The following GSTM2 variants were observed in gnomAD, a reference collection of about 807,000 sequenced individuals.
GSTM2 encodes glutathione S-transferase mu 2, also known as GST class-mu 2.
Under a neutral mutation model 33.3 loss-of-function variants are expected in GSTM2, and 33 were observed. That is an observed-to-expected ratio of 0.99 (90% CI 0.75 to 1.33). GSTM2 has a LOEUF of 1.33. Ranked by LOEUF, GSTM2 falls within the 40% of genes most tolerant of loss-of-function variation. The pLI is 0.00. For synonymous variants in GSTM2, 93 were observed against 95.6 expected (o/e 0.97, Z 0.16); for missense variants, 213 against 265.8 (o/e 0.80, Z 1.38).
chr1:109,668,656 A>G, intron 2 of GSTM2, 156 bp downstream of exon 2: 1 of 932,098 alleles, frequency 1.1e-6, no homozygotes, highest in Non-Finnish European at 1.7e-6. Flanking sequence ...CTTGCAAGGC[A>G]GAATGCTGGG....
rs403294 is a variant in GSTM2 at position 109,668,932 on chromosome 1, T to C, written c.120T>C (p.Asp40=). 49 of 1,612,152 alleles carry C rather than the reference T, an allele frequency of 3.0e-5. No individual in the cohort carries two copies. The highest frequency in any genetic ancestry group is 5.0e-5 in the Admixed American group (3 of 59,988). ...EKKYTMGDAP[D]YDRSQWLNEK... ...TCATCTTCCCCACCACAGCTCCTGATTATGACAGAAGCCAGTGGCTGAATG... is the reference window on the plus strand; with the variant it reads ...TCATCTTCCCCACCACAGCTCCTGACTATGACAGAAGCCAGTGGCTGAATG... The change falls in exon 3 of 8, where the codon GAT becomes GAC. Residue 40 remains aspartate, a synonymous_variant. Coordinates refer to ENST00000241337, the MANE Select transcript of GSTM2 (RefSeq NM_000848.4).
At chr1:109,669,111 C>T (rs1460443781) in intron 3 of GSTM2, 122 bp downstream of exon 3, 26 of 1,286,346 alleles carry the variant, frequency 2.0e-5, no homozygotes, top group Admixed American at 1.0e-4. Context: ...TCACTCTTGG[C>T]TGTCTACACA....
chr1:109,678,336 C>T (rs917491041), downstream of GSTM2, among the ~76,000 whole-genome samples: 8 of 152,048 alleles, frequency 5.3e-5, no homozygotes, highest in African/African-American at 4.8e-5. Context: ...GAGGTTTTGC[C>T]ATGATGGCCA....
At chr1:109,673,196 G>A (rs1398847502) in intron 7 of GSTM2, 1 of 1,611,508 alleles carries the variant, frequency 6.2e-7, no homozygotes, top group Non-Finnish European at 8.5e-7. Flanking sequence ...TCCCTCCAAT[G>A]TTCCAGGTGT....
rs762549664 is a variant in GSTM2 at position 109,674,861 on chromosome 1, G to A, written c.*25G>A. 44 of 1,613,606 alleles carry A rather than the reference G, an allele frequency of 2.7e-5. No individual in the cohort carries two copies. The Middle Eastern group carries it at 4.9e-4, about 18-fold the overall frequency. On this transcript the variant is annotated 3_prime_UTR_variant, in exon 8 of 8. Transcript: ENST00000241337. ...GGGCCTTGAAGGCCAGGAGGTGGGA[G>A]TGAGGAGCCCATACTCAGCCTGCTG...
chr1:109,677,006 T>C (rs892466440), downstream of GSTM2, among the ~76,000 whole-genome samples: 2 of 152,024 alleles, frequency 1.3e-5, no homozygotes, highest in African/African-American at 4.8e-5. Flanking sequence ...TATCCGAAAA[T>C]ACAACTCATT....
intron 7 of GSTM2, 90 bp downstream of exon 7, chr1:109,671,673 A>G (rs986059033): frequency 2.3e-6 from 2 of 881,394 alleles, no homozygotes; most frequent in Non-Finnish European, 3.9e-6. Flanking sequence ...CACAAAGAAT[A>G]ACTCACATTT....
intron 2 of GSTM2, 145 bp from the exon 3 acceptor site, chr1:109,668,780 T>C: frequency 9.6e-7 from 1 of 1,038,950 alleles, no homozygotes; most frequent in South Asian, 1.4e-5. Flanking sequence ...ATTCTTTTTC[T>C]CTGAATCCTG....
downstream of GSTM2, among the ~76,000 whole-genome samples, chr1:109,677,014 AT>A: frequency 1.3e-5 from 2 of 152,350 alleles, no homozygotes; most frequent in East Asian, 3.9e-4. Flanking sequence ...AATACAACTC[AT>A]TAAAAAATGA....
At chr1:109,679,152 A>ATT (rs931161230), downstream of GSTM2, among the ~76,000 whole-genome samples, 4 of 147,402 alleles carry the variant, frequency 2.7e-5, no homozygotes, top group African/African-American at 9.9e-5. Context: ...TCATCTTATG[A>ATT]TTTTTTTTTT....
chr1:109,673,354 C>T (rs572993809), intron 7 of GSTM2: 27 of 1,413,140 alleles, frequency 1.9e-5, no homozygotes, highest in Non-Finnish European at 2.5e-5. Context: ...GCAGGCAGAG[C>T]AGCCTGTGAA....
chr1:109,671,461 G>A lies in GSTM2; in HGVS notation c.457-12G>A. 6.3e-7 allele frequency: 1 copy of A among 1,593,798 alleles called. No individual in the cohort carries two copies. The highest frequency in any genetic ancestry group is 1.1e-5 in the South Asian group (1 of 90,644). Reference sequence around the variant, plus strand: ...TGGAGGTTTCAGCCCACATATCCTTGGCCTTATCCAGATCACCTTTGTGGA... The same window carrying A: ...TGGAGGTTTCAGCCCACATATCCTTAGCCTTATCCAGATCACCTTTGTGGA... On this transcript the variant is annotated splice_polypyrimidine_tract_variant and intron_variant, in intron 6 of 7. Coordinates refer to ENST00000241337, the MANE Select transcript of GSTM2 (RefSeq NM_000848.4).
intron 7 of GSTM2, among the ~76,000 whole-genome samples, chr1:109,681,603 G>A (rs1208602397): frequency 4.1e-5 from 6 of 145,790 alleles, no homozygotes; most frequent in East Asian, 2.0e-4. Flanking sequence ...TTGATCTAGC[G>A]TCAGAGTTTG....
downstream of GSTM2, among the ~76,000 whole-genome samples, chr1:109,679,566 C>G (rs1647805756): frequency 6.6e-6 from 1 of 152,212 alleles, no homozygotes; most frequent in Non-Finnish European, 1.5e-5. Context: ...GAATCACAGT[C>G]TATGAATCTA....
chr1:109,671,404 G>T, intron 6 of GSTM2, 22 bp downstream of exon 6: 1 of 1,584,212 alleles, frequency 6.3e-7, no homozygotes, highest in Non-Finnish European at 8.7e-7. Context: ...GTGTGATGGG[G>T]ACACCACAGA....
At position 109,668,307 on chromosome 1, in the gene GSTM2, C is replaced by G. The variant is rs1389626473; in HGVS notation, c.37-118C>G. The G allele has an allele frequency of 3.3e-5, 31 of 946,046 alleles. No homozygotes were observed. The East Asian group carries it at 7.1e-4, about 22-fold the overall frequency. The allele number at this position is 946,046 out of a possible 1,614,324, so 58.6% of individuals were successfully genotyped here. On this transcript the variant is annotated intron_variant, in intron 1 of 7. Coordinates refer to ENST00000241337, the MANE Select transcript of GSTM2 (RefSeq NM_000848.4). ...CTGTCTGTGCGTGTGGCTGGGCGTG[C>G]GGGGTGGGGGCGGGTGAGGCAGGAA...
rs1647462068 is a variant in GSTM2 at position 109,669,672 on chromosome 1, T to C, written c.360+101T>C. The stretch of plus-strand genomic sequence containing the variant: ...AAAATTGATTCCTTCTGGTGAGTTC[T>C]TGGTCTTGCTGACTCTAAGAATGAA... On this transcript the variant is annotated intron_variant, in intron 5 of 7. Transcript: ENST00000241337. 6.9e-6 allele frequency: 5 copies of C among 726,416 alleles called. No homozygotes were observed. The East Asian group carries it at 1.1e-4, about 16-fold the overall frequency. 45.0% of individuals were successfully genotyped at this position (726,416 alleles called of 1,614,324 possible).
rs1036096997 is a variant in GSTM2 at position 109,669,344 on chromosome 1, CG to C, written c.234del (p.Tyr79ThrfsTer45). On this transcript the variant is annotated frameshift_variant, in exon 4 of 8. Transcript: ENST00000241337. LOFTEE classifies it high-confidence loss of function. Reference sequence around the variant, plus strand: ...GATCACCCAGAGCAACGCCATCCTGCGGTACATTGCCCGCAAGCACAACCTG... The same window carrying C: ...GATCACCCAGAGCAACGCCATCCTGCGTACATTGCCCGCAAGCACAACCTG... ...HKITQSNAIL[R>X]YIARKHNLCG... 1 of 1,614,102 alleles carries C rather than the reference CG, an allele frequency of 6.2e-7. No individual in the cohort carries two copies. The highest frequency in any genetic ancestry group is 8.5e-7 in the Non-Finnish European group (1 of 1,180,046).
chr1:109,673,252 G>A (rs761722263), intron 7 of GSTM2: 2 of 1,611,744 alleles, frequency 1.2e-6, no homozygotes, highest in South Asian at 1.1e-5. Context: ...CCTGTTCACT[G>A]ACCTTCTCCT....
Sources: allele counts gnomAD v4.1 joint callset (sites outside exome capture counted in the v4.1 genomes callset), GRCh38; gene constraint gnomAD v4.1.1; transcripts MANE v1.5; gene names NCBI Gene and HGNC (gene_info 2026-07-23, HGNC 2026-07-21).